The following UPP2 variants were observed in gnomAD, a reference collection of about 807,000 sequenced individuals.
UPP2 encodes the protein uridine phosphorylase 2.
UPP2 carries 23 observed loss-of-function variants against 26.7 expected under a neutral mutation model. The ratio of observed to expected loss-of-function variants is 0.86; its 90% CI spans 0.62 to 1.22. The LOEUF (loss-of-function observed/expected upper bound fraction) is 1.22, where lower values mean the gene tolerates loss of function less well. Among genes scored for constraint, UPP2 ranks in the 50% most tolerant of loss-of-function variants. UPP2 has a pLI of 0.00. For synonymous variants in UPP2, 127 were observed against 141.3 expected, an observed-to-expected ratio of 0.90 and a Z score of 0.72; for missense variants, 387 against 396.7, an observed-to-expected ratio of 0.98 and a Z score of 0.21.
At chr2:158,015,327 A>G (rs545672208) in intron 2 of UPP2, among the ~76,000 whole-genome samples, 1 of 152,334 alleles carries the variant, frequency 6.6e-6, no homozygotes, top group African/African-American at 2.4e-5. Context: ...AAGTGGAATC[A>G]TACAGTATTG....
intron 3 of UPP2, among the ~76,000 whole-genome samples, chr2:158,041,111 C>A (rs540789739): frequency 6.6e-6 from 1 of 152,110 alleles, no homozygotes; most frequent in Admixed American, 6.5e-5. Flanking sequence ...TAATAAAGAA[C>A]CACAGATGGT....
intron 3 of UPP2, among the ~76,000 whole-genome samples, chr2:158,059,223 A>G (rs13398821): frequency 0.61 from 92,626 of 152,082 alleles, 29,307 homozygotes; most frequent in Admixed American, 0.71. Context: ...CATGATGGGA[A>G]AACATATGGT....
At chr2:158,029,852 C>T (rs1244933931) in intron 3 of UPP2, among the ~76,000 whole-genome samples, 1 of 147,610 alleles carries the variant, frequency 6.8e-6, no homozygotes, top group African/African-American at 2.5e-5. Context: ...TGAAATGATT[C>T]AATCACTGCT....
intron 3 of UPP2, among the ~76,000 whole-genome samples, chr2:158,093,955 T>G (rs1682949684): frequency 6.7e-6 from 1 of 150,256 alleles, no homozygotes. Flanking sequence ...AATATATATA[T>G]AGTATATGTT....
At chr2:158,021,249 A>G (rs1317314097) in intron 3 of UPP2, among the ~76,000 whole-genome samples, 3 of 152,214 alleles carry the variant, frequency 2.0e-5, no homozygotes, top group African/African-American at 7.2e-5. Flanking sequence ...CAAGAACCCT[A>G]ATTTTTAAAA....
chr2:157,995,269 G>A, intron 2 of UPP2: 2 of 1,613,478 alleles, frequency 1.2e-6, no homozygotes, highest in South Asian at 1.1e-5. Flanking sequence ...GGTTAGTGAG[G>A]GAAGAGGAGA....
intron 3 of UPP2, among the ~76,000 whole-genome samples, chr2:158,022,532 T>C (rs949037589): frequency 2.0e-5 from 3 of 152,094 alleles, no homozygotes; most frequent in Non-Finnish European, 2.9e-5. Context: ...ATTTATTCTA[T>C]TATGTTATAC....
At position 158,023,350 on chromosome 2, in the gene UPP2, C is replaced by T. The variant is rs146227898; in HGVS notation, c.147+7464C>T. On this transcript the variant is annotated intron_variant, in intron 3 of 9. Coordinates refer to the UPP2 transcript ENST00000605860. Reference sequence around the variant, plus strand: ...GAGGATCTCAATTCTCAGTGACACTCCATAATAATTAATTGCTACAAACAG... The same window carrying T: ...GAGGATCTCAATTCTCAGTGACACTTCATAATAATTAATTGCTACAAACAG... 1.5e-3 allele frequency among the ~76,000 whole-genome samples: 225 copies of T among 152,106 alleles called. 1 individual carries two copies. The highest frequency in any genetic ancestry group is 2.8e-3 in the Non-Finnish European group (190 of 68,002).
intron 3 of UPP2, among the ~76,000 whole-genome samples, chr2:158,028,910 A>G (rs1683878100): frequency 6.6e-6 from 1 of 152,220 alleles, no homozygotes; most frequent in Non-Finnish European, 1.5e-5. Context: ...CACTCCTATG[A>G]TTCAAATTAT....
At chr2:158,072,641 GAGACAGAC>G (rs34853147) in intron 3 of UPP2, among the ~76,000 whole-genome samples, 1,520 of 150,148 alleles carry the variant, frequency 0.01, 23 homozygotes, top group African/African-American at 0.033. Flanking sequence ...CAGAGAGAAA[GAGACAGAC>G]AGACAGACAG....
chr2:158,068,789 T>C (rs1429605361), intron 3 of UPP2, among the ~76,000 whole-genome samples: 1 of 16,438 alleles, frequency 6.1e-5, no homozygotes, highest in Non-Finnish European at 1.2e-4. Flanking sequence ...TATATATATA[T>C]ATATATATAT....
At chr2:158,131,334 A>C (rs1461828403) in intron 6 of UPP2, among the ~76,000 whole-genome samples, 1 of 152,028 alleles carries the variant, frequency 6.6e-6, no homozygotes, top group Non-Finnish European at 1.5e-5. Context: ...TCATGGGAAA[A>C]CCTTGTTGAA....
chr2:158,126,696 A>G (rs899040681), intron 6 of UPP2: 8 of 152,212 alleles, frequency 5.3e-5, no homozygotes, highest in African/African-American at 1.9e-4. Context: ...TGTGAGCCAG[A>G]AAAGCTTGCT....
chr2:158,097,936 C>T (rs896164143), upstream of UPP2, among the ~76,000 whole-genome samples: 13 of 152,000 alleles, frequency 8.6e-5, no homozygotes, highest in African/African-American at 1.7e-4. Flanking sequence ...TGCACACTCC[C>T]GTCTATCTGC....
chr2:158,109,545 G>A (rs941116395), intron 2 of UPP2, among the ~76,000 whole-genome samples: 23 of 152,124 alleles, frequency 1.5e-4, no homozygotes, highest in African/African-American at 3.9e-4. Context: ...AGATGACAGC[G>A]ACAATATGTA....
At chr2:158,026,504 T>C (rs1683835145) in intron 3 of UPP2, among the ~76,000 whole-genome samples, 1 of 152,096 alleles carries the variant, frequency 6.6e-6, no homozygotes, top group African/African-American at 2.4e-5. Flanking sequence ...GGACTATATC[T>C]CATGGGAACC....
intron 2 of UPP2, among the ~76,000 whole-genome samples, chr2:158,015,452 T>G (rs1323406677): frequency 2.0e-5 from 3 of 152,222 alleles, no homozygotes; most frequent in Non-Finnish European, 4.4e-5. Flanking sequence ...ATCCACTGTA[T>G]GTATATGCCA....
intron 2 of UPP2, among the ~76,000 whole-genome samples, chr2:158,011,248 C>G (rs1234855832): frequency 6.6e-6 from 1 of 152,180 alleles, no homozygotes; most frequent in Non-Finnish European, 1.5e-5. Flanking sequence ...AAGGTAATGA[C>G]TCAGGTAACC....
At chr2:158,080,685 A>G (rs1682710003) in intron 3 of UPP2, among the ~76,000 whole-genome samples, 1 of 152,138 alleles carries the variant, frequency 6.6e-6, no homozygotes, top group African/African-American at 2.4e-5. Flanking sequence ...CGTTGGAAAT[A>G]TTTTTTCTAC....
Sources: gnomAD v4.1 joint callset for allele counts (sites outside exome capture counted in the v4.1 genomes callset) on GRCh38, gnomAD v4.1.1 for gene constraint, MANE v1.5 for transcripts, NCBI Gene and HGNC (gene_info 2026-07-23, HGNC 2026-07-21) for gene names.